ZC4H2: variants seen among roughly 807,000 people sequenced by gnomAD.
The protein encoded by ZC4H2 is zinc finger C4H2 domain-containing protein.
For synonymous variants in ZC4H2, 84 were observed against 66.3 expected, an observed-to-expected ratio of 1.27 and a Z score of -1.30; for missense variants, 137 against 173.9, an observed-to-expected ratio of 0.79 and a Z score of 1.19.
At chrX:64,949,267 C>CA (rs1484144721) in intron 1 of ZC4H2, among the ~76,000 whole-genome samples, 1 of 111,508 alleles carries the variant, frequency 9.0e-6, no homozygotes, top group Admixed American at 9.6e-5. Flanking sequence ...AATAAACTAC[C>CA]AAAAAAGAAG....
chrX:64,919,342 G>A, intron 3 of ZC4H2, 138 bp from the exon 4 acceptor site: 2 of 659,443 alleles, frequency 3.0e-6, no homozygotes, highest in Non-Finnish European at 4.6e-6. Context: ...CAAGCACAAG[G>A]CTATTGTCCC....
At chrX:64,965,013 G>C (rs1041659279) in intron 1 of ZC4H2, among the ~76,000 whole-genome samples, 1 of 111,912 alleles carries the variant, frequency 8.9e-6, no homozygotes, top group Admixed American at 9.5e-5. Flanking sequence ...CATAAAATAA[G>C]TTAAATGGAA....
intron 1 of ZC4H2, among the ~76,000 whole-genome samples, chrX:65,008,379 A>T (rs940655698): frequency 1.8e-5 from 2 of 112,100 alleles, no homozygotes; most frequent in Non-Finnish European, 3.8e-5. Context: ...GTAAATTAGT[A>T]CAGCCACTAT....
intron 1 of ZC4H2, among the ~76,000 whole-genome samples, chrX:65,023,682 G>C (rs1341337710): frequency 9.0e-6 from 1 of 111,615 alleles, no homozygotes; most frequent in Admixed American, 9.5e-5. Flanking sequence ...TTCAACTATT[G>C]TGGAAGACAG....
intron 1 of ZC4H2, among the ~76,000 whole-genome samples, chrX:64,957,402 GCTTTT>G (rs1413624182): frequency 8.9e-6 from 1 of 112,154 alleles, no homozygotes; most frequent in African/African-American, 3.2e-5. Flanking sequence ...TTTGGCTGAA[GCTTTT>G]CTTTTAACAA....
chrX:64,920,026 A>G (rs1929119202), intron 3 of ZC4H2, 55 bp downstream of exon 3: 1 of 1,149,313 alleles, frequency 8.7e-7, no homozygotes, highest in Admixed American at 2.4e-5. Flanking sequence ...GTATGTAAGT[A>G]TGTATGTGGG....
intron 1 of ZC4H2, among the ~76,000 whole-genome samples, chrX:65,033,021 C>T (rs1053234274): frequency 3.6e-5 from 4 of 111,739 alleles, no homozygotes; most frequent in African/African-American, 1.3e-4. Flanking sequence ...AGGTGATCTG[C>T]CCACCTCGGC....
upstream of ZC4H2, among the ~76,000 whole-genome samples, chrX:64,980,793 TTAGTTAC>T (rs1024313205): frequency 4.5e-5 from 5 of 111,032 alleles, no homozygotes; most frequent in African/African-American, 1.3e-4. Flanking sequence ...CTATGTTCTA[TTAGTTAC>T]CCAAGATCCC....
At chrX:64,937,808 C>T (rs189138951) in intron 1 of ZC4H2, among the ~76,000 whole-genome samples, 1 of 111,586 alleles carries the variant, frequency 9.0e-6, no homozygotes, top group Admixed American at 9.6e-5. Context: ...ATTTATACCA[C>T]TAAATCCCCA....
chrX:64,955,946 C>T (rs1297523591), intron 1 of ZC4H2, among the ~76,000 whole-genome samples: 1 of 111,644 alleles, frequency 9.0e-6, no homozygotes, highest in African/African-American at 3.3e-5. Context: ...TTAAAGTGAA[C>T]ATTATGAGGA....
intron 1 of ZC4H2, among the ~76,000 whole-genome samples, chrX:64,973,865 GC>G (rs1249050925): frequency 3.6e-5 from 4 of 110,419 alleles, no homozygotes; most frequent in Non-Finnish European, 7.6e-5. Context: ...TTCCTTTGTA[GC>G]TTTTGTTTCT....
chrX:65,031,468 C>A (rs1196409172), intron 1 of ZC4H2, among the ~76,000 whole-genome samples: 1 of 109,182 alleles, frequency 9.2e-6, no homozygotes, highest in African/African-American at 3.4e-5. Context: ...TGTGCCAGCA[C>A]AGAGTTCTGT....
chrX:64,958,614 T>C (rs1272180766), intron 1 of ZC4H2, among the ~76,000 whole-genome samples: 1 of 111,525 alleles, frequency 9.0e-6, no homozygotes, highest in Non-Finnish European at 1.9e-5. Flanking sequence ...TTTAAGTGAA[T>C]AGCCTTGTAC....
chrX:65,006,480 G>T (rs1932662073), intron 1 of ZC4H2, among the ~76,000 whole-genome samples: 1 of 107,394 alleles, frequency 9.3e-6, no homozygotes, highest in Non-Finnish European at 1.9e-5. Context: ...AGCACTGCAT[G>T]TTCTCACTCA....
At chrX:64,935,357 G>T (rs1194562429) in intron 1 of ZC4H2, among the ~76,000 whole-genome samples, 1 of 112,016 alleles carries the variant, frequency 8.9e-6, no homozygotes, top group Non-Finnish European at 1.9e-5. Context: ...TATCTCCCTG[G>T]GACAGAGCAC....
chrX:64,975,837 G>A (rs1272070979), intron 1 of ZC4H2, among the ~76,000 whole-genome samples: 1 of 111,028 alleles, frequency 9.0e-6, no homozygotes, highest in East Asian at 2.8e-4. Flanking sequence ...CATTCTCCCA[G>A]CTCCGCCCGC....
chrX:64,927,585 T>A (rs1162557569), intron 1 of ZC4H2, among the ~76,000 whole-genome samples: 3 of 112,320 alleles, frequency 2.7e-5, no homozygotes, highest in East Asian at 2.8e-4. Context: ...TGTGTTGCAA[T>A]AAACATATGT....
chrX:64,957,584 G>A (rs1411689292), intron 1 of ZC4H2, among the ~76,000 whole-genome samples: 1 of 110,936 alleles, frequency 9.0e-6, no homozygotes, highest in Non-Finnish European at 1.9e-5. Flanking sequence ...TACAGGCTGG[G>A]CACAGTGGCT....
chrX:64,945,640 T>C (rs971690751), intron 1 of ZC4H2, among the ~76,000 whole-genome samples: 1 of 111,769 alleles, frequency 8.9e-6, no homozygotes, highest in Admixed American at 9.5e-5. Flanking sequence ...TCTTCAGAGC[T>C]GGCAGGCAGG....
Sources: allele counts gnomAD v4.1 joint callset (sites outside exome capture counted in the v4.1 genomes callset), GRCh38; gene constraint gnomAD v4.1.1; transcripts MANE v1.5; gene names NCBI Gene and HGNC (gene_info 2026-07-23, HGNC 2026-07-21).